Variants in EIF4E observed in about 807,000 individuals in gnomAD.
EIF4E encodes the protein eIF-4F 25 kDa subunit.
For synonymous variants in EIF4E, 71 were observed against 88.5 expected, an observed-to-expected ratio of 0.80 and a Z score of 1.11; for missense variants, 113 against 265.6, an observed-to-expected ratio of 0.43 and a Z score of 3.99.
intron 1 of EIF4E, among the ~76,000 whole-genome samples, chr4:98,918,641 A>G (rs547348530): frequency 2.0e-5 from 3 of 152,296 alleles, no homozygotes; most frequent in African/African-American, 7.2e-5. Flanking sequence ...AATGTTTGAA[A>G]TAGCAAATGG....
chr4:98,885,338 T>G (rs968336081), intron 5 of EIF4E, among the ~76,000 whole-genome samples: 4 of 152,366 alleles, frequency 2.6e-5, no homozygotes, highest in Admixed American at 2.6e-4. Context: ...GCTCTGCTGC[T>G]GCTTATATTT....
intron 5 of EIF4E, chr4:98,886,247 A>G (rs1723916034): frequency 9.1e-6 from 2 of 220,332 alleles, no homozygotes. Context: ...AGGGATACAA[A>G]AGAGACTACA....
At chr4:98,899,984 G>T (rs1724578485) in intron 2 of EIF4E, among the ~76,000 whole-genome samples, 1 of 150,784 alleles carries the variant, frequency 6.6e-6, no homozygotes, top group Non-Finnish European at 1.5e-5. Flanking sequence ...TTCATTTTAA[G>T]ATTTAAACTT....
chr4:98,897,173 G>A (rs1014891640), intron 2 of EIF4E, among the ~76,000 whole-genome samples: 1 of 152,066 alleles, frequency 6.6e-6, no homozygotes, highest in Non-Finnish European at 1.5e-5. Flanking sequence ...TAAATCTGCT[G>A]GTGCCTTAGC....
rs1560652727 is a variant in EIF4E, at chr4:98,917,135, A to ACACAC, written c.18+11959_18+11960insGTGTG. The stretch of plus-strand genomic sequence containing the variant: ...ACACACACACACACACACACACACA[A>ACACAC]AAAAAACCCAAATGCTCAAGTGTCC... On this transcript the variant is annotated intron_variant, in intron 1 of 6. Coordinates refer to ENST00000450253, the MANE Select transcript of EIF4E (RefSeq NM_001968.5). Among the ~76,000 whole-genome samples, 219 of 29,288 alleles carry ACACAC rather than the reference A, an allele frequency of 7.5e-3. 7 individuals are homozygous for ACACAC. Among genetic ancestry groups the ACACAC allele is most frequent in the African/African-American group, 7.5e-3 (32 of 4,262 alleles). The allele number at this position is 29,288 out of a possible 152,430, so 19.2% of individuals were successfully genotyped here.
At chr4:98,928,793 C>A in intron 1 of EIF4E, 1 of 1,442,386 alleles carries the variant, frequency 6.9e-7, no homozygotes, top group East Asian at 2.5e-5. Flanking sequence ...ATACCCAGCC[C>A]AGAACCCCAG....
At chr4:98,920,846 G>C (rs2110222922) in intron 1 of EIF4E, among the ~76,000 whole-genome samples, 1 of 152,208 alleles carries the variant, frequency 6.6e-6, no homozygotes, top group Non-Finnish European at 1.5e-5. Context: ...CTTTCAGTTA[G>C]AATTTTACAC....
chr4:98,883,348 C>CG (rs1374624484), intron 6 of EIF4E, among the ~76,000 whole-genome samples: 1 of 151,048 alleles, frequency 6.6e-6, no homozygotes, highest in African/African-American at 2.4e-5. Context: ...ACATTTTGAC[C>CG]ACTGACTGAC....
intron 1 of EIF4E, among the ~76,000 whole-genome samples, chr4:98,911,463 C>G (rs951570528): frequency 2.7e-5 from 4 of 148,998 alleles, no homozygotes; most frequent in African/African-American, 9.7e-5. Flanking sequence ...AGTTTGAGAC[C>G]AGCCTGACCA....
At chr4:98,904,387 C>T (rs1311086603) in intron 1 of EIF4E, among the ~76,000 whole-genome samples, 1 of 152,174 alleles carries the variant, frequency 6.6e-6, no homozygotes, top group Non-Finnish European at 1.5e-5. Context: ...TCAGGAAAAA[C>T]ATATTCAGTT....
At chr4:98,885,817 G>A (rs960139628) in intron 5 of EIF4E, among the ~76,000 whole-genome samples, 4 of 152,134 alleles carry the variant, frequency 2.6e-5, no homozygotes, top group Admixed American at 6.6e-5. Context: ...TAAGTGTACA[G>A]TTCAGTGGTG....
intron 2 of EIF4E, among the ~76,000 whole-genome samples, chr4:98,900,034 C>G (rs1383516829): frequency 6.7e-6 from 1 of 149,642 alleles, no homozygotes; most frequent in Non-Finnish European, 1.5e-5. Flanking sequence ...TTAAGAATCC[C>G]TTCTTAGACT....
intron 1 of EIF4E, among the ~76,000 whole-genome samples, chr4:98,913,701 A>G (rs970741955): frequency 3.3e-5 from 5 of 152,224 alleles, no homozygotes; most frequent in African/African-American, 1.2e-4. Context: ...TATAGTCATC[A>G]GTTTCATATG....
chr4:98,916,491 A>G (rs1042743774), intron 1 of EIF4E, among the ~76,000 whole-genome samples: 2 of 152,186 alleles, frequency 1.3e-5, no homozygotes, highest in Non-Finnish European at 2.9e-5. Context: ...AGTGATGGAC[A>G]TGAGTGGCCA....
At position 98,880,356 on chromosome 4, in the gene EIF4E, CA is replaced by C. The variant is rs1207828074; in HGVS notation, c.*671del. 9.2e-5 allele frequency: 10 copies of C among 108,720 alleles called. No homozygotes were observed. Among genetic ancestry groups the C allele is most frequent in the Admixed American group, 5.6e-4 (5 of 8,970 alleles). 6.7% of individuals were successfully genotyped at this position (108,720 alleles called of 1,614,324 possible). A position where few individuals can be genotyped will look rare whatever the true frequency, so the allele number is the denominator to read the frequency against. On this transcript the variant is annotated 3_prime_UTR_variant, in exon 7 of 7. Transcript: ENST00000450253. ...AGCAAAGCTTTGTAGTTACAAAAAA[CA>C]AAAAAAATTACCAAAGAATGCACAA... is the stretch of plus-strand genomic sequence containing the variant.
chr4:98,887,275 A>C lies in EIF4E; in HGVS notation c.286-83T>G. The C allele has an allele frequency of 7.4e-7, 1 of 1,353,492 alleles. No homozygotes were observed. Among genetic ancestry groups the C allele is most frequent in the East Asian group, 2.3e-5 (1 of 43,240 alleles). The allele number at this position is 1,353,492 out of a possible 1,614,324, so 83.8% of individuals were successfully genotyped here. A position where few individuals can be genotyped will look rare whatever the true frequency, so the allele number is the denominator to read the frequency against. ...AATCATTAGAAACAGTTAAGCAACA[A>C]CACTGTCAACTTCTTACTTTATTGC... On this transcript the variant is annotated intron_variant, in intron 4 of 6. Coordinates refer to ENST00000450253, the MANE Select transcript of EIF4E (RefSeq NM_001968.5). The surrounding 1 kb of genome is among the most constrained non-coding windows in gnomAD (Gnocchi z 4.0).
At chr4:98,915,998 CT>C (rs1725363041) in intron 1 of EIF4E, among the ~76,000 whole-genome samples, 1 of 151,248 alleles carries the variant, frequency 6.6e-6, no homozygotes. Flanking sequence ...CGAGACCAGC[CT>C]GGCCAACATG....
At chr4:98,892,072 C>T (rs1421007298) in intron 2 of EIF4E, among the ~76,000 whole-genome samples, 8 of 152,076 alleles carry the variant, frequency 5.3e-5, no homozygotes, top group Admixed American at 5.2e-4. Flanking sequence ...CAGAGCTGGG[C>T]GCGGTGGTTC....
At chr4:98,902,451 C>A (rs1281714751) in intron 1 of EIF4E, among the ~76,000 whole-genome samples, 1 of 152,172 alleles carries the variant, frequency 6.6e-6, no homozygotes, top group Non-Finnish European at 1.5e-5. Flanking sequence ...AAGAACCATT[C>A]TCTATTCTCA....
Sources: allele counts gnomAD v4.1 joint callset (sites outside exome capture counted in the v4.1 genomes callset), GRCh38; gene constraint gnomAD v4.1.1; non-coding constraint Gnocchi (gnomAD v3.1); transcripts MANE v1.5; gene names NCBI Gene and HGNC (gene_info 2026-07-23, HGNC 2026-07-21).